Variants in LRBA observed in about 807,000 individuals in gnomAD.
The protein encoded by LRBA is LPS responsive beige-like anchor protein.
LRBA carries 176 observed loss-of-function variants against 330.0 expected under a neutral mutation model. The ratio of observed to expected loss-of-function variants is 0.53; its 90% CI spans 0.47 to 0.60. The LOEUF is 0.60. Among genes scored for constraint, LRBA ranks in the 20% least tolerant of loss-of-function variants. The pLI is 0.00. For missense variants in LRBA, 3,259 were observed against 3,444.8 expected (o/e 0.95, Z 1.35); for synonymous variants, 1,230 against 1,193.0 (o/e 1.03, Z -0.64).
chr4:150,580,954 C>G (rs1440096388), intron 40 of LRBA: 1 of 152,436 alleles, frequency 6.6e-6, no homozygotes, highest in African/African-American at 2.4e-5. Flanking sequence ...ACAAATGAAA[C>G]TCTGTACCTG....
At chr4:150,971,354 G>T (rs1221639360) in intron 2 of LRBA, among the ~76,000 whole-genome samples, 1 of 152,120 alleles carries the variant, frequency 6.6e-6, no homozygotes, top group Non-Finnish European at 1.5e-5. Context: ...CACATATAAT[G>T]ATTGTTTTAG....
At chr4:150,905,175 T>C (rs1394176342) in intron 13 of LRBA, among the ~76,000 whole-genome samples, 1 of 152,174 alleles carries the variant, frequency 6.6e-6, no homozygotes, top group Admixed American at 6.5e-5. Flanking sequence ...ATAGAACTAA[T>C]TGGTTTGTTG....
chr4:150,564,545 T>C (rs1022248732), intron 40 of LRBA, among the ~76,000 whole-genome samples: 1 of 152,086 alleles, frequency 6.6e-6, no homozygotes, highest in African/African-American at 2.4e-5. Context: ...TGGGATCTAA[T>C]TAAACTAAAG....
intron 48 of LRBA, among the ~76,000 whole-genome samples, chr4:150,329,194 G>C (rs1349405624): frequency 1.3e-5 from 2 of 152,164 alleles, no homozygotes; most frequent in Admixed American, 1.3e-4. Flanking sequence ...CATCTGAAAA[G>C]GCTGTGGAAT....
intron 13 of LRBA, among the ~76,000 whole-genome samples, chr4:150,902,148 G>T (rs1450144566): frequency 6.6e-6 from 1 of 152,048 alleles, no homozygotes; most frequent in Non-Finnish European, 1.5e-5. Context: ...TTAATTCAGA[G>T]GACAGATAAA....
At chr4:150,363,611 T>C (rs991853654) in intron 47 of LRBA, among the ~76,000 whole-genome samples, 1 of 152,226 alleles carries the variant, frequency 6.6e-6, no homozygotes, top group African/African-American at 2.4e-5. Flanking sequence ...CAGTATGTAG[T>C]AGGTACTCAC....
At chr4:150,519,607 C>T (rs1398046750) in intron 40 of LRBA, among the ~76,000 whole-genome samples, 1 of 151,964 alleles carries the variant, frequency 6.6e-6, no homozygotes, top group South Asian at 2.1e-4. Context: ...GTGTATCTAC[C>T]CTTCATTTAA....
At chr4:150,647,664 A>AT (rs1779291991) in intron 37 of LRBA, among the ~76,000 whole-genome samples, 1 of 151,976 alleles carries the variant, frequency 6.6e-6, no homozygotes. Context: ...AAATGCTGGG[A>AT]TTACAGGCAT....
At chr4:150,411,969 G>A (rs1485133605) in intron 47 of LRBA, among the ~76,000 whole-genome samples, 1 of 152,126 alleles carries the variant, frequency 6.6e-6, no homozygotes, top group Admixed American at 6.6e-5. Flanking sequence ...TTAGTCACTT[G>A]TAGAAAGTTA....
chr4:150,996,777 C>T (rs1306197027), intron 2 of LRBA, among the ~76,000 whole-genome samples: 2 of 152,066 alleles, frequency 1.3e-5, no homozygotes, highest in Admixed American at 6.6e-5. Flanking sequence ...ACATGGTACA[C>T]ACAAAATTCA....
chr4:150,632,956 T>C (rs1275319932), intron 37 of LRBA, among the ~76,000 whole-genome samples: 2 of 152,212 alleles, frequency 1.3e-5, no homozygotes, highest in Non-Finnish European at 2.9e-5. Context: ...TCTCACCCTA[T>C]ATTCTCTCAT....
At chr4:150,313,039 G>C (rs1021931453) in intron 51 of LRBA, among the ~76,000 whole-genome samples, 1 of 151,776 alleles carries the variant, frequency 6.6e-6, no homozygotes, top group Admixed American at 6.6e-5. Flanking sequence ...TTATTTTAAA[G>C]GCTGAGCCTT....
At chr4:150,512,106 A>T (rs897169236) in intron 40 of LRBA, among the ~76,000 whole-genome samples, 21 of 152,246 alleles carry the variant, frequency 1.4e-4, no homozygotes, top group African/African-American at 4.8e-4. Flanking sequence ...ATTTCAGTTG[A>T]AACAGATTCC....
intron 40 of LRBA, among the ~76,000 whole-genome samples, chr4:150,587,108 A>T (rs963094860): frequency 6.6e-6 from 1 of 152,192 alleles, no homozygotes; most frequent in Admixed American, 6.5e-5. Flanking sequence ...AAGTGCTAGA[A>T]ATATGTGTGA....
At chr4:150,714,038 GC>G (rs903725101) in intron 36 of LRBA, among the ~76,000 whole-genome samples, 2 of 152,148 alleles carry the variant, frequency 1.3e-5, no homozygotes, top group Admixed American at 1.3e-4. Flanking sequence ...CGTTTCTGAT[GC>G]AAGTCTAAGT....
chr4:150,858,471 A>G (rs1751493460), intron 22 of LRBA, among the ~76,000 whole-genome samples: 1 of 152,132 alleles, frequency 6.6e-6, no homozygotes, highest in Admixed American at 6.6e-5. Flanking sequence ...AGAATTATTT[A>G]GCAATTAAAT....
At chr4:150,395,875 A>G (rs1744666307) in intron 47 of LRBA, among the ~76,000 whole-genome samples, 1 of 152,204 alleles carries the variant, frequency 6.6e-6, no homozygotes, top group African/African-American at 2.4e-5. Context: ...TAGTAAATAA[A>G]CCAACAATCT....
chr4:150,792,028 C>CAAAAA (rs11389573), intron 34 of LRBA, among the ~76,000 whole-genome samples: 223 of 45,618 alleles, frequency 4.9e-3, no homozygotes, highest in African/African-American at 6.3e-3. Flanking sequence ...GGCTCCATCT[C>CAAAAA]AAAAAAAAAA....
In LRBA at chr4:150,430,715, TTAA is replaced by T. The variant is rs372386865; in HGVS notation, c.7041+4871_7041+4873del. ...AATTTACTTTTGTACAGGTTATAAT[TTAA>T]TAATATATTATTATATTAAATTCGG... is the stretch of plus-strand genomic sequence containing the variant. On this transcript the variant is annotated intron_variant, in intron 46 of 56. Coordinates refer to ENST00000651943, the MANE Select transcript of LRBA (RefSeq NM_001364905.1). Among the ~76,000 whole-genome samples the T allele has an allele frequency of 4.2e-3, 640 of 152,104 alleles. 7 individuals are homozygous for T. Among genetic ancestry groups the T allele is most frequent in the African/African-American group, 0.015 (610 of 41,532 alleles).
Sources: gnomAD v4.1 joint callset for allele counts (sites outside exome capture counted in the v4.1 genomes callset) on GRCh38, gnomAD v4.1.1 for gene constraint, MANE v1.5 for transcripts, NCBI Gene and HGNC (gene_info 2026-07-23, HGNC 2026-07-21) for gene names.